Variants in EBF3 observed in about 807,000 individuals in gnomAD.
The protein encoded by EBF3 is transcription factor COE3.
Under a neutral mutation model 77.1 loss-of-function variants are expected in EBF3, and 18 were observed. The observed-to-expected ratio is 0.23, with a 90% CI of 0.16 to 0.35. EBF3 has a LOEUF of 0.35. EBF3 is among the 10% of genes least tolerant of loss of function. The pLI, the probability that EBF3 is intolerant of heterozygous loss-of-function variation, is 1.00. For synonymous variants in EBF3, 350 were observed against 343.5 expected, an observed-to-expected ratio of 1.02 and a Z score of -0.21; for missense variants, 558 against 860.0, an observed-to-expected ratio of 0.65 and a Z score of 4.39.
intron 10 of EBF3, among the ~76,000 whole-genome samples, chr10:129,859,353 T>C (rs964264447): frequency 5.9e-5 from 9 of 151,982 alleles, no homozygotes; most frequent in African/African-American, 2.2e-4. Flanking sequence ...TCCCATGTAG[T>C]TGGGACTACA....
intron 6 of EBF3, among the ~76,000 whole-genome samples, chr10:129,889,742 G>A (rs573627015): frequency 4.0e-5 from 6 of 150,918 alleles, no homozygotes; most frequent in Non-Finnish European, 5.9e-5. Flanking sequence ...CCTGTTGGGT[G>A]CAGGGAGGGG....
Position 129,865,916 on chromosome 10 carries a change from T to C in EBF3, c.1039+1225A>G, listed in dbSNP as rs1373399521. Among the ~76,000 whole-genome samples, 3 of 152,160 alleles carry C rather than the reference T, an allele frequency of 2.0e-5. No homozygotes were observed. In the East Asian group the frequency reaches 5.8e-4, roughly 29 times the overall value. ...CATCCTCTAGTCCAGGTTCCTGCTG[T>C]GGTCCTCATGGCCACCCCAGGACAC... On this transcript the variant is annotated intron_variant, in intron 10 of 16. Transcript: ENST00000440978.
At chr10:129,890,264 C>T (rs1853928426) in intron 6 of EBF3, among the ~76,000 whole-genome samples, 1 of 152,190 alleles carries the variant, frequency 6.6e-6, no homozygotes, top group South Asian at 2.1e-4. Flanking sequence ...GGAACATCCC[C>T]GGGCTGTGTG....
intron 10 of EBF3, among the ~76,000 whole-genome samples, chr10:129,851,494 A>C (rs1312648921): frequency 6.6e-6 from 1 of 152,206 alleles, no homozygotes; most frequent in Non-Finnish European, 1.5e-5. Context: ...TGCCTTAAAC[A>C]CAACAAAAAC....
At chr10:129,839,977 C>T (rs921192341) in intron 15 of EBF3, among the ~76,000 whole-genome samples, 1 of 152,254 alleles carries the variant, frequency 6.6e-6, no homozygotes, top group Non-Finnish European at 1.5e-5. Flanking sequence ...CTTAGGGGCA[C>T]AGGGTGCTCC....
intron 10 of EBF3, among the ~76,000 whole-genome samples, chr10:129,853,625 A>C (rs1036298356): frequency 2.0e-5 from 3 of 152,262 alleles, no homozygotes; most frequent in Admixed American, 6.5e-5. Context: ...AGTATATTTT[A>C]CTAACAGGGA....
chr10:129,892,181 G>A (rs1399772718), intron 6 of EBF3, among the ~76,000 whole-genome samples: 2 of 152,230 alleles, frequency 1.3e-5, no homozygotes, highest in African/African-American at 4.8e-5. Context: ...TCCAACTGAT[G>A]AGTAGCGGGG....
intron 10 of EBF3, among the ~76,000 whole-genome samples, chr10:129,850,379 A>G (rs1417607654): frequency 1.3e-5 from 2 of 152,212 alleles, no homozygotes; most frequent in African/African-American, 4.8e-5. Context: ...TTGAATTGAT[A>G]TTCTTCTTTG....
intron 10 of EBF3, among the ~76,000 whole-genome samples, chr10:129,859,094 T>G (rs758109725): frequency 2.0e-5 from 3 of 152,268 alleles, no homozygotes; most frequent in Non-Finnish European, 4.4e-5. Context: ...GAAAAGCATC[T>G]GAAAACTTTG....
intron 6 of EBF3, among the ~76,000 whole-genome samples, chr10:129,954,416 C>A (rs564623775): frequency 6.8e-6 from 1 of 147,478 alleles, no homozygotes. Context: ...CTCACTTCCC[C>A]CCCCCCTTTT....
chr10:129,873,487 G>A lies in EBF3; in HGVS notation c.746C>T (p.Pro249Leu), dbSNP rs1281147548. Reference protein sequence around the residue: ...KHGRRARRLDPSEGTAPSYLE... With the variant: ...KHGRRARRLDLSEGTAPSYLE... ...ATAAGAAGGGGCCGTACCTTCTGAC[G>A]GGTCTAGGCGGCGGGCCCGCCTCCC... The change falls in exon 8 of 17, where the codon CCG (proline) becomes CTG (leucine). Residue 249 changes from proline to leucine, a missense_variant. Coordinates refer to ENST00000440978, the MANE Select transcript of EBF3 (RefSeq NM_001375380.1). 5 of 1,584,228 alleles carry A rather than the reference G, an allele frequency of 3.2e-6. No individual in the cohort carries two copies. The highest frequency in any genetic ancestry group is 2.7e-5 in the African/African-American group (2 of 74,080).
intron 6 of EBF3, among the ~76,000 whole-genome samples, chr10:129,956,019 G>A (rs1225402945): frequency 2.0e-5 from 3 of 152,210 alleles, no homozygotes; most frequent in Admixed American, 6.5e-5. Flanking sequence ...TCTATAAAGT[G>A]TTGAACTTGT....
intron 6 of EBF3, among the ~76,000 whole-genome samples, chr10:129,909,127 G>A (rs1325808977): frequency 1.3e-5 from 2 of 152,156 alleles, no homozygotes; most frequent in African/African-American, 4.8e-5. Flanking sequence ...CCCAGAGGGT[G>A]GCTCTTTTAT....
Position 129,837,768 on chromosome 10 carries a change from A to ATAGT in EBF3, c.*171_*174dup. 1.3e-6 allele frequency: 1 copy of ATAGT among 755,462 alleles called. No individual in the cohort carries two copies. Among genetic ancestry groups the ATAGT allele is most frequent in the South Asian group, 1.9e-5 (1 of 53,592 alleles). 46.8% of individuals were successfully genotyped at this position (755,462 alleles called of 1,614,324 possible). A position where few individuals can be genotyped will look rare whatever the true frequency, so the allele number is the denominator to read the frequency against. ...TAGGCTGTTTGCATGTTGATTCTTA[A>ATAGT]TAGTTTAAATAAAATCTTTAAACAA... On this transcript the variant is annotated 3_prime_UTR_variant, in exon 17 of 17. Transcript: ENST00000440978.
At chr10:129,906,925 T>G (rs1305011769) in intron 6 of EBF3, among the ~76,000 whole-genome samples, 1 of 152,110 alleles carries the variant, frequency 6.6e-6, no homozygotes, top group Admixed American at 6.5e-5. Context: ...TGGGGTTGCC[T>G]CTCCGCAGCC....
chr10:129,896,826 C>A (rs1854424532), intron 6 of EBF3, among the ~76,000 whole-genome samples: 1 of 152,246 alleles, frequency 6.6e-6, no homozygotes, highest in African/African-American at 2.4e-5. Flanking sequence ...CACCTTTCGC[C>A]CTGCGTGAAC....
intron 6 of EBF3, among the ~76,000 whole-genome samples, chr10:129,900,403 G>A (rs1328443340): frequency 6.6e-6 from 1 of 152,162 alleles, no homozygotes; most frequent in Admixed American, 6.5e-5. Flanking sequence ...GGGGTAGGAG[G>A]GGGCTGGAGA....
chr10:129,956,666 A>C (rs2134606941), intron 6 of EBF3, among the ~76,000 whole-genome samples: 1 of 152,390 alleles, frequency 6.6e-6, no homozygotes, highest in East Asian at 1.9e-4. Context: ...TAATCGAGTT[A>C]TGAAAATTAA....
At chr10:129,874,945 C>T (rs527702869) in intron 7 of EBF3, among the ~76,000 whole-genome samples, 15 of 152,050 alleles carry the variant, frequency 9.9e-5, no homozygotes, top group Non-Finnish European at 1.6e-4. Flanking sequence ...CGGGGGTACA[C>T]GGGCGATCTC....
Sources: gnomAD v4.1 joint callset for allele counts (sites outside exome capture counted in the v4.1 genomes callset) on GRCh38, gnomAD v4.1.1 for gene constraint, MANE v1.5 for transcripts, NCBI Gene and HGNC (gene_info 2026-07-23, HGNC 2026-07-21) for gene names.